TYW1: variants seen among roughly 807,000 people sequenced by gnomAD.
TYW1 encodes tRNA-yW synthesizing protein 1 homolog.
TYW1 carries 46 observed loss-of-function variants against 96.2 expected under a neutral mutation model. That is an observed-to-expected ratio of 0.48 (90% CI 0.38 to 0.61). The LOEUF is 0.61. Among genes scored for constraint, TYW1 ranks in the 20% least tolerant of loss-of-function variants. TYW1 has a pLI of 0.00. For missense variants in TYW1, 684 were observed against 909.6 expected (o/e 0.75, Z 3.19); for synonymous variants, 274 against 323.0 (o/e 0.85, Z 1.63).
intron 13 of TYW1, among the ~76,000 whole-genome samples, 158 bp downstream of exon 13, chr7:67,117,776 T>C (rs1797639896): frequency 6.6e-6 from 1 of 152,224 alleles, no homozygotes; most frequent in South Asian, 2.1e-4. Flanking sequence ...TTTAGAGACT[T>C]CCTTCTTCAA....
chr7:67,014,807 C>A (rs1793959812), intron 5 of TYW1, among the ~76,000 whole-genome samples: 1 of 152,152 alleles, frequency 6.6e-6, no homozygotes, highest in African/African-American at 2.4e-5. Context: ...CAGCTCACTG[C>A]AACTTCTAGC....
intron 4 of TYW1, among the ~76,000 whole-genome samples, chr7:67,012,761 A>G (rs1793857350): frequency 6.6e-6 from 1 of 152,154 alleles, no homozygotes; most frequent in African/African-American, 2.4e-5. Context: ...AGTTTGTTTC[A>G]TATATGAAAT....
intron 14 of TYW1, among the ~76,000 whole-genome samples, chr7:67,187,968 A>G (rs1409300505): frequency 6.6e-6 from 1 of 152,256 alleles, no homozygotes; most frequent in East Asian, 1.9e-4. Flanking sequence ...CTGAAAATAC[A>G]TCTTTTTGTC....
At chr7:67,023,852 A>T (rs1284281693) in intron 6 of TYW1, among the ~76,000 whole-genome samples, 1 of 152,212 alleles carries the variant, frequency 6.6e-6, no homozygotes, top group Non-Finnish European at 1.5e-5. Flanking sequence ...GGAGAAAGGG[A>T]TGAAGGCTGC....
chr7:67,135,261 TCA>T (rs1798209656), intron 13 of TYW1, among the ~76,000 whole-genome samples: 1 of 149,994 alleles, frequency 6.7e-6, no homozygotes, highest in Admixed American at 6.6e-5. Flanking sequence ...AACATTGTCA[TCA>T]CCCCAACCAA....
At chr7:67,055,432 A>C (rs1795477059) in intron 8 of TYW1, among the ~76,000 whole-genome samples, 1 of 152,026 alleles carries the variant, frequency 6.6e-6, no homozygotes, top group Admixed American at 6.6e-5. Flanking sequence ...CCCCATTCCT[A>C]CTGAAAATAC....
At chr7:67,201,733 A>C (rs1800605685) in intron 15 of TYW1, among the ~76,000 whole-genome samples, 1 of 151,506 alleles carries the variant, frequency 6.6e-6, no homozygotes, top group Non-Finnish European at 1.5e-5. Context: ...CAAGCATCCA[A>C]AATGCTTTGA....
intron 13 of TYW1, among the ~76,000 whole-genome samples, chr7:67,127,048 A>T (rs1797932560): frequency 6.6e-6 from 1 of 150,834 alleles, no homozygotes; most frequent in Admixed American, 6.6e-5. Flanking sequence ...TTGTTTTTTT[A>T]GTGTTTTCCC....
chr7:67,209,808 G>T lies in TYW1; in HGVS notation c.1977+14471G>T, dbSNP rs11981802. 9.1e-3 allele frequency among the ~76,000 whole-genome samples: 1,390 copies of T among 152,152 alleles called. 18 individuals carry two copies. Among genetic ancestry groups the T allele is most frequent in the African/African-American group, 0.032 (1,328 of 41,502 alleles). On this transcript the variant is annotated intron_variant, in intron 15 of 15. Transcript: ENST00000359626. ...TCTGGTCTTGAACTCCTGACCTCAA[G>T]TGATCCACCCGCCTTGGCCTCTCAA...
intron 15 of TYW1, among the ~76,000 whole-genome samples, chr7:67,214,378 G>C (rs1162255967): frequency 6.6e-6 from 1 of 152,042 alleles, no homozygotes; most frequent in Admixed American, 6.6e-5. Flanking sequence ...TCACTTGTTA[G>C]TTCCTAGAGG....
intron 7 of TYW1, 133 bp downstream of exon 7, chr7:67,025,155 T>G (rs1342593223): frequency 4.8e-6 from 7 of 1,469,632 alleles, no homozygotes; most frequent in Non-Finnish European, 6.4e-6. Flanking sequence ...GAGAGTTTTA[T>G]AATTTTTTTG....
At chr7:67,220,258 C>T (rs1382432332) in intron 15 of TYW1, among the ~76,000 whole-genome samples, 2 of 131,012 alleles carry the variant, frequency 1.5e-5, no homozygotes, top group Non-Finnish European at 3.1e-5. Context: ...GGCTGGAGTG[C>T]AGTGGCGCGA....
chr7:67,150,054 G>T (rs1351830237), intron 13 of TYW1, among the ~76,000 whole-genome samples: 2 of 151,090 alleles, frequency 1.3e-5, no homozygotes, highest in Non-Finnish European at 2.9e-5. Context: ...ATATCTGGTA[G>T]ACTCTGAAAA....
chr7:67,020,976 C>T (rs1019892666), intron 6 of TYW1, among the ~76,000 whole-genome samples: 10 of 152,244 alleles, frequency 6.6e-5, no homozygotes, highest in Admixed American at 3.3e-4. Context: ...TGCAGTGAGC[C>T]GAGATTGCGT....
intron 13 of TYW1, among the ~76,000 whole-genome samples, chr7:67,151,234 T>C (rs1244446107): frequency 6.6e-6 from 1 of 152,182 alleles, no homozygotes; most frequent in African/African-American, 2.4e-5. Flanking sequence ...GTATTTTTAG[T>C]AGAGATGAGG....
intron 13 of TYW1, among the ~76,000 whole-genome samples, chr7:67,135,302 G>GGTTTT (rs1798212006): frequency 1.8e-5 from 2 of 111,816 alleles, no homozygotes; most frequent in Non-Finnish European, 3.5e-5. Context: ...TGTTAAAACA[G>GGTTTT]TTTTTTTTTT....
chr7:67,100,814 A>C (rs1285611426), intron 12 of TYW1, among the ~76,000 whole-genome samples: 1 of 150,294 alleles, frequency 6.7e-6, no homozygotes, highest in Admixed American at 6.7e-5. Flanking sequence ...CAGTGAGCCA[A>C]GATCACGCCA....
chr7:67,147,558 T>G (rs1452088873), intron 13 of TYW1, among the ~76,000 whole-genome samples: 1 of 152,206 alleles, frequency 6.6e-6, no homozygotes, highest in Non-Finnish European at 1.5e-5. Context: ...GTTTTTTTCC[T>G]GATCCTCTCC....
intron 15 of TYW1, among the ~76,000 whole-genome samples, chr7:67,227,261 T>C (rs1262258966): frequency 7.3e-6 from 1 of 137,832 alleles, no homozygotes; most frequent in Non-Finnish European, 1.6e-5. Context: ...TCTATTATTA[T>C]TATTATTTTT....
Sources: allele counts gnomAD v4.1 joint callset (sites outside exome capture counted in the v4.1 genomes callset), GRCh38; gene constraint gnomAD v4.1.1; transcripts MANE v1.5; gene names NCBI Gene and HGNC (gene_info 2026-07-23, HGNC 2026-07-21).